The following SCHIP1 variants were observed in gnomAD, a reference collection of about 807,000 sequenced individuals.
SCHIP1 encodes schwannomin interacting protein 1.
In SCHIP1, 8 loss-of-function variants were observed where a neutral mutation model predicts 29.7. The ratio of observed to expected loss-of-function variants is 0.27; its 90% CI spans 0.16 to 0.49. The LOEUF is 0.49. SCHIP1 is among the 20% of genes least tolerant of loss of function. SCHIP1 has a pLI of 0.99. For synonymous variants in SCHIP1, 76 were observed against 94.9 expected, an observed-to-expected ratio of 0.80 and a Z score of 1.16; for missense variants, 193 against 294.6, an observed-to-expected ratio of 0.66 and a Z score of 2.52.
the SCHIP1 span, among the ~76,000 whole-genome samples, chr3:159,597,328 T>C: frequency 6.6e-6 from 1 of 152,162 alleles, no homozygotes; most frequent in African/African-American, 2.4e-5. Context: ...CTGAGTACAA[T>C]ACATTTTTGT....
the SCHIP1 span, among the ~76,000 whole-genome samples, chr3:159,472,539 A>G: frequency 5.3e-5 from 8 of 152,154 alleles, no homozygotes; most frequent in Non-Finnish European, 1.2e-4. Flanking sequence ...AGCTGATGTA[A>G]TTATGTTAAG....
At chr3:159,313,354 CTGTT>C in the SCHIP1 span, among the ~76,000 whole-genome samples, 2 of 152,128 alleles carry the variant, frequency 1.3e-5, no homozygotes, top group African/African-American at 2.4e-5. Context: ...TGGGCACTTT[CTGTT>C]TGTTTTTCTG....
the SCHIP1 span, among the ~76,000 whole-genome samples, chr3:159,317,567 C>T: frequency 3.9e-5 from 6 of 152,256 alleles, no homozygotes; most frequent in East Asian, 7.7e-4. Flanking sequence ...GAGAGCTTTG[C>T]CCCAGCCCTG....
At chr3:159,648,263 G>A in the SCHIP1 span, among the ~76,000 whole-genome samples, 1 of 152,128 alleles carries the variant, frequency 6.6e-6, no homozygotes, top group African/African-American at 2.4e-5. Context: ...CTGCCCTGAT[G>A]TCATGCACAT....
chr3:159,768,103 G>C, the SCHIP1 span, among the ~76,000 whole-genome samples: 1 of 152,130 alleles, frequency 6.6e-6, no homozygotes, highest in Non-Finnish European at 1.5e-5. Context: ...AGAAACTTAT[G>C]AACAGGGTTT....
chr3:159,286,448 C>A, the SCHIP1 span, among the ~76,000 whole-genome samples: 1 of 152,014 alleles, frequency 6.6e-6, no homozygotes, highest in Non-Finnish European at 1.5e-5. Context: ...GTATATATAC[C>A]ACATTTTCTT....
the SCHIP1 span, among the ~76,000 whole-genome samples, chr3:159,600,469 G>A: frequency 6.6e-6 from 1 of 152,146 alleles, no homozygotes; most frequent in Non-Finnish European, 1.5e-5. Flanking sequence ...ACATGGTCTA[G>A]CATATTGTTG....
the SCHIP1 span, among the ~76,000 whole-genome samples, chr3:159,317,828 T>C: frequency 2.4e-4 from 36 of 152,112 alleles, no homozygotes; most frequent in Non-Finnish European, 4.4e-4. Flanking sequence ...AGAAGCATTA[T>C]GTGCAGGATA....
the SCHIP1 span, among the ~76,000 whole-genome samples, chr3:159,341,153 T>A: frequency 1.3e-5 from 2 of 152,102 alleles, no homozygotes; most frequent in African/African-American, 4.8e-5. Flanking sequence ...TATCTCACCC[T>A]CCCCTTGCTT....
chr3:159,705,946 C>T, the SCHIP1 span, among the ~76,000 whole-genome samples: 190 of 152,204 alleles, frequency 1.2e-3, no homozygotes, highest in African/African-American at 4.5e-3. Flanking sequence ...ACCTCATGAT[C>T]CACCCGCCTC....
At chr3:159,877,755 CA>C (rs1715989861) in intron 2 of SCHIP1, among the ~76,000 whole-genome samples, 1 of 152,358 alleles carries the variant, frequency 6.6e-6, no homozygotes, top group African/African-American at 2.4e-5. Context: ...TTCATTGCCT[CA>C]ACAGCTGAAA....
chr3:159,600,255 C>A, the SCHIP1 span, among the ~76,000 whole-genome samples: 29 of 152,326 alleles, frequency 1.9e-4, no homozygotes, highest in Middle Eastern at 3.4e-3. Flanking sequence ...ATGTCTAATT[C>A]TCTGACCAAA....
the SCHIP1 span, among the ~76,000 whole-genome samples, chr3:159,334,311 A>G: frequency 6.6e-6 from 1 of 152,140 alleles, no homozygotes; most frequent in African/African-American, 2.4e-5. Flanking sequence ...TAATCTATAG[A>G]GATTTTCTAT....
At chr3:159,616,116 C>T in the SCHIP1 span, among the ~76,000 whole-genome samples, 5 of 150,528 alleles carry the variant, frequency 3.3e-5, no homozygotes, top group East Asian at 9.7e-4. Context: ...TTCTGCTTTC[C>T]TGAGAGCTGA....
the SCHIP1 span, among the ~76,000 whole-genome samples, chr3:159,554,351 A>C: frequency 6.6e-6 from 1 of 152,180 alleles, no homozygotes; most frequent in South Asian, 2.1e-4. Flanking sequence ...TGGGGCTTTA[A>C]GTGAGGGCAG....
At chr3:159,361,843 A>G in the SCHIP1 span, among the ~76,000 whole-genome samples, 6 of 152,226 alleles carry the variant, frequency 3.9e-5, no homozygotes, top group Non-Finnish European at 5.9e-5. Flanking sequence ...TTTTTGGCCC[A>G]AAGAATTGGA....
At chr3:159,291,934 T>C in the SCHIP1 span, among the ~76,000 whole-genome samples, 53 of 152,262 alleles carry the variant, frequency 3.5e-4, no homozygotes, top group African/African-American at 1.2e-3. Context: ...TTAAATGACA[T>C]TTAAAGGATG....
chr3:159,820,953 A>G, the SCHIP1 span, among the ~76,000 whole-genome samples: 3 of 152,252 alleles, frequency 2.0e-5, no homozygotes, highest in African/African-American at 7.2e-5. Context: ...CACTAGACAC[A>G]TGTGGCTGTT....
the SCHIP1 span, among the ~76,000 whole-genome samples, chr3:159,639,574 A>T: frequency 6.6e-6 from 1 of 152,190 alleles, no homozygotes; most frequent in Non-Finnish European, 1.5e-5. Flanking sequence ...GGGGCTATTT[A>T]AAACAATGTG....
Sources: allele counts gnomAD v4.1 joint callset (sites outside exome capture counted in the v4.1 genomes callset), GRCh38; gene constraint gnomAD v4.1.1; transcripts MANE v1.5; gene names NCBI Gene and HGNC (gene_info 2026-07-23, HGNC 2026-07-21).